The following NTAQ1 variants were observed in gnomAD, a reference collection of about 807,000 sequenced individuals.
The protein encoded by NTAQ1 is N-terminal glutamine amidase 1, also known as protein N-terminal glutamine amidohydrolase.
A neutral mutation model predicts 28.2 loss-of-function variants in NTAQ1; 21 were observed. The ratio of observed to expected loss-of-function variants is 0.74; its 90% CI spans 0.53 to 1.07. The LOEUF (loss-of-function observed/expected upper bound fraction) is 1.07, where lower values mean the gene tolerates loss of function less well. Among genes scored for constraint, NTAQ1 ranks in the 50% least tolerant of loss-of-function variants. The pLI, the probability that NTAQ1 is intolerant of heterozygous loss-of-function variation, is 0.00. For synonymous variants in NTAQ1, 105 were observed against 90.0 expected (o/e 1.17, Z -0.94); for missense variants, 264 against 256.6 (o/e 1.03, Z -0.20).
chr8:123,449,859 T>TTCTCTCTCTCTCTCTCTCTCTC (rs112959997), downstream of NTAQ1, among the ~76,000 whole-genome samples: 95 of 111,244 alleles, frequency 8.5e-4, no homozygotes, highest in African/African-American at 3.3e-3. Flanking sequence ...GCTCGCTGCT[T>TTCTCTCTCTCTCTCTCTCTCTC]TCTCTCTCTC....
At chr8:123,460,254 A>C (rs114965314) in intron 6 of NTAQ1, among the ~76,000 whole-genome samples, 219 of 152,346 alleles carry the variant, frequency 1.4e-3, no homozygotes, top group African/African-American at 5.0e-3. Flanking sequence ...ATTGGGCATG[A>C]AATTATTAGT....
downstream of NTAQ1, among the ~76,000 whole-genome samples, chr8:123,474,659 C>T (rs1816072675): frequency 6.6e-6 from 1 of 152,166 alleles, no homozygotes; most frequent in Non-Finnish European, 1.5e-5. Context: ...AATCCTAGCA[C>T]TGTGGGAGGC....
exon 7 of NTAQ1, among the ~76,000 whole-genome samples, chr8:123,469,857 G>A (rs1816024549): frequency 1.3e-5 from 2 of 152,236 alleles, no homozygotes; most frequent in African/African-American, 2.4e-5. Context: ...TCCGTTAGAA[G>A]CATCAACAAA....
downstream of NTAQ1, among the ~76,000 whole-genome samples, chr8:123,445,631 A>T (rs932975334): frequency 6.6e-6 from 1 of 152,166 alleles, no homozygotes; most frequent in African/African-American, 2.4e-5. Context: ...TTTGAGACAG[A>T]GTCGCACTCT....
chr8:123,449,429 T>C (rs926642392), downstream of NTAQ1, among the ~76,000 whole-genome samples: 1 of 152,094 alleles, frequency 6.6e-6, no homozygotes, highest in Non-Finnish European at 1.5e-5. Context: ...TTAAAAGAGC[T>C]GGAGGGCTGC....
intron 5 of NTAQ1, among the ~76,000 whole-genome samples, chr8:123,437,962 G>A (rs1021352062): frequency 7.2e-5 from 11 of 152,118 alleles, no homozygotes; most frequent in South Asian, 2.1e-4. Context: ...ATTTAACAGC[G>A]GGACTAGTAG....
At chr8:123,434,092 G>A (rs575855151) in intron 3 of NTAQ1, among the ~76,000 whole-genome samples, 49 of 152,144 alleles carry the variant, frequency 3.2e-4, no homozygotes, top group Non-Finnish European at 5.0e-4. Context: ...TGAGGTTGCC[G>A]AGGGGAGGGG....
intron 6 of NTAQ1, among the ~76,000 whole-genome samples, chr8:123,460,629 G>A (rs1163933544): frequency 3.3e-5 from 5 of 152,186 alleles, no homozygotes; most frequent in Non-Finnish European, 5.9e-5. Flanking sequence ...GGAAAAAAGC[G>A]GTCAGGGTAA....
chr8:123,430,835 G>C (rs1214430924), intron 3 of NTAQ1, among the ~76,000 whole-genome samples: 1 of 152,170 alleles, frequency 6.6e-6, no homozygotes. Flanking sequence ...GGGTTCAGGA[G>C]TTAGTGTTCT....
At chr8:123,418,256 G>T (rs889409170) in intron 1 of NTAQ1, among the ~76,000 whole-genome samples, 3 of 152,136 alleles carry the variant, frequency 2.0e-5, no homozygotes, top group African/African-American at 7.2e-5. Flanking sequence ...TCTGAGACCA[G>T]CCTGGCCGAC....
chr8:123,466,629 T>C (rs923277269), intron 6 of NTAQ1, among the ~76,000 whole-genome samples: 8 of 152,220 alleles, frequency 5.3e-5, no homozygotes, highest in Non-Finnish European at 7.3e-5. Flanking sequence ...GAGGACAAGA[T>C]TCTTTTCTCC....
chr8:123,431,818 A>G (rs1262317211), intron 3 of NTAQ1, among the ~76,000 whole-genome samples: 1 of 152,170 alleles, frequency 6.6e-6, no homozygotes, highest in African/African-American at 2.4e-5. Context: ...GGTGTCTGCT[A>G]CTGGTACTCA....
At chr8:123,435,341 A>G (rs1289283154) in intron 3 of NTAQ1, 1 of 387,538 alleles carries the variant, frequency 2.6e-6, no homozygotes, top group Non-Finnish European at 3.5e-6. Context: ...GCTACAGATG[A>G]AAGCTTGGCT....
downstream of NTAQ1, among the ~76,000 whole-genome samples, chr8:123,451,233 G>A (rs971226087): frequency 5.3e-5 from 8 of 152,240 alleles, no homozygotes; most frequent in South Asian, 1.5e-3. Flanking sequence ...CCCTGGTGAC[G>A]TATCTAGAGC....
chr8:123,463,869 C>G (rs1815897405), intron 6 of NTAQ1, among the ~76,000 whole-genome samples: 1 of 152,154 alleles, frequency 6.6e-6, no homozygotes, highest in Non-Finnish European at 1.5e-5. Flanking sequence ...TTGTAGCTGC[C>G]ATAATTCCTA....
the NTAQ1 span, among the ~76,000 whole-genome samples, chr8:123,475,075 C>A: frequency 6.6e-6 from 1 of 152,060 alleles, no homozygotes; most frequent in Non-Finnish European, 1.5e-5. Flanking sequence ...AGTTATTCTC[C>A]TCCCTCATTT....
chr8:123,454,104 T>C (rs1018947166), intron 6 of NTAQ1, among the ~76,000 whole-genome samples: 5 of 152,218 alleles, frequency 3.3e-5, no homozygotes, highest in Non-Finnish European at 7.3e-5. Flanking sequence ...CTGTAGTTAC[T>C]GCAAATAAAC....
At position 123,441,705 on chromosome 8, in the gene NTAQ1, G is replaced by T; in HGVS notation, c.*290G>T. 2.9e-6 allele frequency: 1 copy of T among 350,138 alleles called. No individual in the cohort carries two copies. The highest frequency in any genetic ancestry group is 5.3e-6 in the Non-Finnish European group (1 of 187,786). 21.7% of individuals were successfully genotyped at this position (350,138 alleles called of 1,614,324 possible). A position where few individuals can be genotyped will look rare whatever the true frequency, so the allele number is the denominator to read the frequency against. ...CAGTAATCGTTTTTGTTCAGATAGA[G>T]GTGTGGAGGTAGAGCCAGCCCCTCA... is the stretch of plus-strand genomic sequence containing the variant. On this transcript the variant is annotated 3_prime_UTR_variant, in exon 6 of 6. Transcript: ENST00000287387.
chr8:123,445,207 C>A (rs184021456), downstream of NTAQ1, among the ~76,000 whole-genome samples: 38 of 151,804 alleles, frequency 2.5e-4, no homozygotes, highest in African/African-American at 8.2e-4. Context: ...TATTTTGTAT[C>A]CTTCTTTCCA....
Sources: gnomAD v4.1 joint callset for allele counts (sites outside exome capture counted in the v4.1 genomes callset) on GRCh38, gnomAD v4.1.1 for gene constraint, MANE v1.5 for transcripts, NCBI Gene and HGNC (gene_info 2026-07-23, HGNC 2026-07-21) for gene names.